The following MYLIP variants were observed in gnomAD, a reference collection of about 807,000 sequenced individuals.
The protein encoded by MYLIP is myosin regulatory light chain interacting protein.
Under a neutral mutation model 45.8 loss-of-function variants are expected in MYLIP, and 26 were observed. The observed-to-expected ratio is 0.57, with a 90% CI of 0.42 to 0.79. MYLIP has a LOEUF of 0.79. Ranked by LOEUF, MYLIP falls within the 30% of genes least tolerant of loss-of-function variation. MYLIP has a pLI of 0.00. For synonymous variants in MYLIP, 213 were observed against 218.1 expected (o/e 0.98, Z 0.21); for missense variants, 494 against 555.6 (o/e 0.89, Z 1.11).
chr6:16,163,536 C>A, the MYLIP span: 1 of 152,186 alleles, frequency 6.6e-6, no homozygotes, highest in African/African-American at 2.4e-5. Context: ...TTCCTTTTCT[C>A]TCCTCTTTTT....
At chr6:16,134,455 T>C (rs964909082) in intron 2 of MYLIP, among the ~76,000 whole-genome samples, 1 of 152,184 alleles carries the variant, frequency 6.6e-6, no homozygotes, top group African/African-American at 2.4e-5. Context: ...TCACATTCTT[T>C]TGCTTCCTTT....
chr6:16,143,163 G>T lies in MYLIP; in HGVS notation c.608G>T (p.Gly203Val). 1 of 1,614,140 alleles carries T rather than the reference G, an allele frequency of 6.2e-7. No homozygotes were observed. Among genetic ancestry groups the T allele is most frequent in the Non-Finnish European group, 8.5e-7 (1 of 1,180,036 alleles). Residue 203 changes from glycine to valine, a missense_variant, in exon 4 of 7, where the codon GGG (glycine) becomes GTG (valine). By Grantham distance (109) the Gly-to-Val change is moderately radical. Transcript: ENST00000356840. ...AGCGAAGGGCAGAAACTGCTCATTG[G>T]GGTTGGACCTGAAGGAATCTCAATT... ...RDSEGQKLLI[G>V]VGPEGISICK... is the part of the protein sequence containing the mutation.
At chr6:16,156,632 G>C in the MYLIP span, among the ~76,000 whole-genome samples, 1 of 152,198 alleles carries the variant, frequency 6.6e-6, no homozygotes, top group African/African-American at 2.4e-5. Context: ...TATAAAAGGA[G>C]GATAAGTCTA....
In MYLIP at chr6:16,146,866, T is replaced by TAA; in HGVS notation, c.*115_*116insAA. On this transcript the variant is annotated 3_prime_UTR_variant, in exon 7 of 7. Transcript: ENST00000356840. ...TCCAACACCCATCTGCCATGCGATG[T>TAA]TAAAAAAAAAAAAAAGGAAGAAAAA... The TAA allele has an allele frequency of 1.3e-6, 1 of 780,076 alleles. No individual in the cohort carries two copies. Among genetic ancestry groups the TAA allele is most frequent in the Non-Finnish European group, 1.8e-6 (1 of 542,308 alleles). 48.3% of individuals were successfully genotyped at this position (780,076 alleles called of 1,614,324 possible). A position where few individuals can be genotyped will look rare whatever the true frequency, so the allele number is the denominator to read the frequency against.
At chr6:16,143,895 A>G in intron 5 of MYLIP, 32 bp downstream of exon 5, 2 of 1,595,750 alleles carry the variant, frequency 1.3e-6, no homozygotes, top group South Asian at 2.2e-5. Context: ...TCACCTCAGC[A>G]CCACAGCTCT....
chr6:16,133,201 G>C (rs1759491089), intron 2 of MYLIP, among the ~76,000 whole-genome samples: 1 of 152,114 alleles, frequency 6.6e-6, no homozygotes, highest in African/African-American at 2.4e-5. Flanking sequence ...GACTGCTATG[G>C]GCCCAGCTCT....
intron 2 of MYLIP, among the ~76,000 whole-genome samples, chr6:16,140,151 T>C (rs1448345490): frequency 6.6e-6 from 1 of 152,218 alleles, no homozygotes; most frequent in Non-Finnish European, 1.5e-5. Flanking sequence ...AAGTTACAAT[T>C]CATTTGTTAA....
At position 16,129,452 on chromosome 6, in the gene MYLIP, G is replaced by GGCCGAGGGGCCTCGCAGCGAC. The variant is rs1251193629; in HGVS notation, c.87+47_87+67dup. On this transcript the variant is annotated intron_variant, in intron 1 of 6. Coordinates refer to ENST00000356840, the MANE Select transcript of MYLIP (RefSeq NM_013262.4). The surrounding 1 kb of genome is among the most constrained non-coding windows in gnomAD (Gnocchi z 5.1). Reference sequence around the variant, plus strand: ...GAAGGGGCCCCGGCGGGTCCCGCGAGGCCGAGGGGCCTCGCAGCGACGCCT... The same window carrying GGCCGAGGGGCCTCGCAGCGAC: ...GAAGGGGCCCCGGCGGGTCCCGCGAGGCCGAGGGGCCTCGCAGCGACGCCGAGGGGCCTCGCAGCGACGCCT... 19 of 1,539,098 alleles carry GGCCGAGGGGCCTCGCAGCGAC rather than the reference G, an allele frequency of 1.2e-5. No individual in the cohort carries two copies. In the Admixed American group the frequency reaches 3.5e-4, roughly 29 times the overall value.
chr6:16,151,735 T>G (rs1243435556), downstream of MYLIP, among the ~76,000 whole-genome samples: 1 of 152,206 alleles, frequency 6.6e-6, no homozygotes, highest in African/African-American at 2.4e-5. Flanking sequence ...AAAACAAAAC[T>G]ATGTCAGGAC....
At chr6:16,152,588 T>G (rs1437665579), downstream of MYLIP, among the ~76,000 whole-genome samples, 1 of 152,208 alleles carries the variant, frequency 6.6e-6, no homozygotes, top group Non-Finnish European at 1.5e-5. Flanking sequence ...TGAGAAACCC[T>G]GGGCTGCATG....
chr6:16,135,537 G>A (rs552746680), intron 2 of MYLIP, among the ~76,000 whole-genome samples: 2 of 152,168 alleles, frequency 1.3e-5, no homozygotes, highest in South Asian at 4.2e-4. Context: ...TTATTTGGCT[G>A]TGACAAGTTT....
chr6:16,161,229 TCCTTCTGGTAATACA>T, the MYLIP span: 1 of 313,942 alleles, frequency 3.2e-6, no homozygotes, highest in Non-Finnish European at 6.3e-6. Flanking sequence ...TTCCGAATCA[TCCTTCTGGTAATACA>T]CCCGTGAAAT....
chr6:16,155,831 C>T, the MYLIP span, among the ~76,000 whole-genome samples: 2 of 152,174 alleles, frequency 1.3e-5, no homozygotes, highest in Non-Finnish European at 2.9e-5. Flanking sequence ...TATTAAACAG[C>T]TCAGTGGGCC....
chr6:16,157,578 G>C, the MYLIP span, among the ~76,000 whole-genome samples: 3 of 152,236 alleles, frequency 2.0e-5, no homozygotes, highest in East Asian at 5.8e-4. Flanking sequence ...AGAGATCCCA[G>C]ACTGTCTTGC....
chr6:16,144,950 G>A lies in MYLIP; in HGVS notation c.881G>A (p.Gly294Asp). 6.2e-7 allele frequency: 1 copy of A among 1,614,208 alleles called. No homozygotes were observed. Among genetic ancestry groups the A allele is most frequent in the South Asian group, 1.1e-5 (1 of 91,080 alleles). Residue 294 changes from glycine to aspartate, a missense_variant, in exon 6 of 7, where the codon GGC becomes GAC. Transcript: ENST00000356840. ...VMMQYSRDLK[G>D]HLASLFLNEN... ...ATGCAGTATAGCCGTGACTTGAAGG[G>A]CCACTTGGCATCTCTGTTTCTGAAT...
chr6:16,134,152 A>G (rs1759508168), intron 2 of MYLIP, among the ~76,000 whole-genome samples: 1 of 152,214 alleles, frequency 6.6e-6, no homozygotes, highest in East Asian at 1.9e-4. Context: ...TTTGTTTATT[A>G]TCAGTCACTC....
At chr6:16,157,853 T>C in the MYLIP span, among the ~76,000 whole-genome samples, 1 of 152,236 alleles carries the variant, frequency 6.6e-6, no homozygotes, top group Non-Finnish European at 1.5e-5. Context: ...TCAGTTAAAT[T>C]AAGAATCCTT....
chr6:16,142,098 G>T (rs776806435), intron 3 of MYLIP, among the ~76,000 whole-genome samples: 5 of 152,204 alleles, frequency 3.3e-5, no homozygotes, highest in Non-Finnish European at 5.9e-5. Flanking sequence ...AGACACCAGA[G>T]CATGAACATG....
At chr6:16,136,216 G>A (rs898662877) in intron 2 of MYLIP, among the ~76,000 whole-genome samples, 1 of 152,006 alleles carries the variant, frequency 6.6e-6, no homozygotes, top group Admixed American at 6.6e-5. Context: ...AAGCCCTTCT[G>A]CAGTCAACCC....
Sources: gnomAD v4.1 joint callset for allele counts (sites outside exome capture counted in the v4.1 genomes callset) on GRCh38, gnomAD v4.1.1 for gene constraint, Gnocchi (gnomAD v3.1) non-coding constraint, MANE v1.5 for transcripts, NCBI Gene and HGNC (gene_info 2026-07-23, HGNC 2026-07-21) for gene names.